Variants in TMEM131 observed in about 807,000 individuals in gnomAD.
TMEM131 encodes the protein transmembrane protein 131, also known as 2610524E03Rik.
In TMEM131, 66 loss-of-function variants were observed where a neutral mutation model predicts 211.6. The ratio of observed to expected loss-of-function variants is 0.31; its 90% CI spans 0.26 to 0.38. The LOEUF (loss-of-function observed/expected upper bound fraction) is 0.38. Among genes scored for constraint, TMEM131 ranks in the 10% least tolerant of loss-of-function variants. The pLI is 1.00. For synonymous variants in TMEM131, 844 were observed against 841.3 expected, an observed-to-expected ratio of 1.00 and a Z score of -0.06; for missense variants, 2,036 against 2,299.3, an observed-to-expected ratio of 0.89 and a Z score of 2.34.
At chr2:97,844,598 A>G (rs1683341005) in intron 5 of TMEM131, among the ~76,000 whole-genome samples, 1 of 152,140 alleles carries the variant, frequency 6.6e-6, no homozygotes, top group East Asian at 1.9e-4. Context: ...GTTTTCATAT[A>G]GATATACTGC....
chr2:97,883,124 C>T (rs1048131695), intron 4 of TMEM131, among the ~76,000 whole-genome samples: 2 of 152,070 alleles, frequency 1.3e-5, no homozygotes, highest in African/African-American at 4.8e-5. Flanking sequence ...TCACTAATCC[C>T]ATTTGTGAGA....
intron 32 of TMEM131, among the ~76,000 whole-genome samples, chr2:97,772,699 T>C (rs1209977152): frequency 3.9e-5 from 6 of 152,166 alleles, no homozygotes; most frequent in African/African-American, 1.4e-4. Flanking sequence ...AGTTCAAGAC[T>C]AGTCTGGGCA....
rs552372975 is a variant in TMEM131, at chr2:97,827,253, C to G, written c.1074+6112G>C. The stretch of plus-strand genomic sequence containing the variant: ...GCGCCTTCCCCGCCGCCAGGATGCC[C>G]AAGAGGAAGGTCAGCTCCGCTGAAG... On this transcript the variant is annotated intron_variant, in intron 11 of 40. Transcript: ENST00000186436. The G allele has an allele frequency of 1.5e-4, 117 of 779,588 alleles. No individual in the cohort carries two copies. The African/African-American group carries it at 1.9e-3, about 13-fold the overall frequency. The allele number at this position is 779,588 out of a possible 1,614,324, so 48.3% of individuals were successfully genotyped here. A position where few individuals can be genotyped will look rare whatever the true frequency, so the allele number is the denominator to read the frequency against.
At chr2:97,965,168 G>A (rs1678996811) in intron 1 of TMEM131, among the ~76,000 whole-genome samples, 2 of 152,144 alleles carry the variant, frequency 1.3e-5, no homozygotes, top group South Asian at 2.1e-4. Flanking sequence ...TTTCAGTCCC[G>A]GTAAGTTAAA....
At chr2:97,913,547 C>T (rs1676379872) in intron 2 of TMEM131, among the ~76,000 whole-genome samples, 1 of 152,188 alleles carries the variant, frequency 6.6e-6, no homozygotes, top group South Asian at 2.1e-4. Context: ...ATAACCTATC[C>T]TTGACAGAAC....
intron 1 of TMEM131, among the ~76,000 whole-genome samples, chr2:97,995,083 G>C (rs1297900295): frequency 1.3e-5 from 2 of 152,200 alleles, no homozygotes; most frequent in Non-Finnish European, 2.9e-5. Context: ...GCTGTGTCTC[G>C]CTATTTTTAC....
chr2:97,818,792 T>TTTCCAGTATAA, intron 11 of TMEM131, 71 bp from the exon 12 acceptor site: 2 of 1,009,410 alleles, frequency 2.0e-6, no homozygotes, highest in Non-Finnish European at 2.9e-6. Context: ...ATACTTATAC[T>TTTCCAGTATAA]GGAAAGTATA....
At chr2:97,982,044 T>A (rs1228564914) in intron 1 of TMEM131, among the ~76,000 whole-genome samples, 1 of 152,210 alleles carries the variant, frequency 6.6e-6, no homozygotes, top group Non-Finnish European at 1.5e-5. Context: ...TTCTTTGGAG[T>A]ATATACTAAG....
intron 4 of TMEM131, among the ~76,000 whole-genome samples, chr2:97,880,352 C>T (rs774131372): frequency 6.6e-6 from 1 of 152,066 alleles, no homozygotes; most frequent in Non-Finnish European, 1.5e-5. Context: ...GTGGGAAAAA[C>T]GACATGATCA....
At chr2:97,768,844 G>A (rs1679319958) in intron 33 of TMEM131, among the ~76,000 whole-genome samples, 1 of 152,154 alleles carries the variant, frequency 6.6e-6, no homozygotes, top group African/African-American at 2.4e-5. Flanking sequence ...GCCGTCCTTG[G>A]CCTCCCAAAG....
chr2:97,775,834 A>G lies in TMEM131; in HGVS notation c.4320+9T>C. On this transcript the variant is annotated intron_variant, in intron 32 of 40. Transcript: ENST00000186436. ...CCCTCGTGTTTTGTTGTGTGAGATCAGCCCGTACCTCCTTGAGGAGCGGTT... is the reference window on the plus strand; with the variant it reads ...CCCTCGTGTTTTGTTGTGTGAGATCGGCCCGTACCTCCTTGAGGAGCGGTT... 1 of 1,605,034 alleles carries G rather than the reference A, an allele frequency of 6.2e-7. No individual in the cohort carries two copies. The highest frequency in any genetic ancestry group is 8.5e-7 in the Non-Finnish European group (1 of 1,177,180).
chr2:97,811,870 C>G (rs1267514331), intron 17 of TMEM131, among the ~76,000 whole-genome samples: 1 of 152,172 alleles, frequency 6.6e-6, no homozygotes, highest in African/African-American at 2.4e-5. Context: ...CCAAGTTCCC[C>G]TTTCAGTACT....
intron 8 of TMEM131, among the ~76,000 whole-genome samples, chr2:97,836,584 T>C (rs1682950923): frequency 6.6e-6 from 1 of 152,238 alleles, no homozygotes; most frequent in Admixed American, 6.5e-5. Context: ...ACAGATCACC[T>C]TCAAGAATTA....
intron 22 of TMEM131, among the ~76,000 whole-genome samples, chr2:97,803,987 G>GT (rs1198461628): frequency 6.6e-6 from 1 of 152,146 alleles, no homozygotes; most frequent in African/African-American, 2.4e-5. Flanking sequence ...TCTTTTTAAA[G>GT]TAAACATTCG....
At chr2:97,952,477 T>C (rs1176920097) in intron 1 of TMEM131, among the ~76,000 whole-genome samples, 4 of 152,156 alleles carry the variant, frequency 2.6e-5, no homozygotes, top group Non-Finnish European at 5.9e-5. Flanking sequence ...ACATTACCTA[T>C]ACTAGAACAC....
At chr2:97,784,971 G>A (rs1421060818) in intron 31 of TMEM131, among the ~76,000 whole-genome samples, 2 of 151,996 alleles carry the variant, frequency 1.3e-5, no homozygotes, top group Non-Finnish European at 2.9e-5. Flanking sequence ...TGATGGTAAG[G>A]GAATACTATA....
chr2:97,992,742 T>C (rs944417195), intron 1 of TMEM131, among the ~76,000 whole-genome samples: 1 of 152,366 alleles, frequency 6.6e-6, no homozygotes, highest in Non-Finnish European at 1.5e-5. Context: ...GTATTTTCAC[T>C]ATATATTTTA....
chr2:97,894,662 T>A (rs181460832), intron 3 of TMEM131, among the ~76,000 whole-genome samples: 1 of 152,320 alleles, frequency 6.6e-6, no homozygotes, highest in African/African-American at 2.4e-5. Context: ...TGGGAGTTAC[T>A]CATGATTTGG....
At chr2:97,817,433 C>G (rs1425106809) in intron 12 of TMEM131, among the ~76,000 whole-genome samples, 1 of 152,160 alleles carries the variant, frequency 6.6e-6, no homozygotes, top group Non-Finnish European at 1.5e-5. Context: ...ACTAAAAATA[C>G]AAAAATTAGC....
Sources: allele counts gnomAD v4.1 joint callset (sites outside exome capture counted in the v4.1 genomes callset), GRCh38; gene constraint gnomAD v4.1.1; transcripts MANE v1.5; gene names NCBI Gene and HGNC (gene_info 2026-07-23, HGNC 2026-07-21).